TMCC1: variants seen among roughly 807,000 people sequenced by gnomAD.
The protein encoded by TMCC1 is transmembrane and coiled-coil domain family 1.
Under a neutral mutation model 52.4 loss-of-function variants are expected in TMCC1, and 15 were observed. That is an observed-to-expected ratio of 0.29 (90% CI 0.19 to 0.44). The LOEUF (loss-of-function observed/expected upper bound fraction) is 0.44. TMCC1 is among the 20% of genes least tolerant of loss of function. The pLI, the probability that TMCC1 is intolerant of heterozygous loss-of-function variation, is 1.00. For synonymous variants in TMCC1, 279 were observed against 301.9 expected, an observed-to-expected ratio of 0.92 and a Z score of 0.79; for missense variants, 503 against 806.0, an observed-to-expected ratio of 0.62 and a Z score of 4.55.
chr3:129,653,989 A>T (rs541058060), intron 6 of TMCC1, among the ~76,000 whole-genome samples: 17 of 152,312 alleles, frequency 1.1e-4, no homozygotes, highest in African/African-American at 4.1e-4. Flanking sequence ...ATTAGAAAAA[A>T]GCTTCCATTT....
At chr3:129,854,314 C>A (rs1045686183) in intron 2 of TMCC1, among the ~76,000 whole-genome samples, 2 of 151,464 alleles carry the variant, frequency 1.3e-5, no homozygotes, top group South Asian at 2.1e-4. Context: ...ATCGCTCAAA[C>A]CTGGGAGGCG....
intron 4 of TMCC1, among the ~76,000 whole-genome samples, chr3:129,805,804 G>A (rs1486069086): frequency 1.3e-5 from 2 of 151,724 alleles, no homozygotes. Context: ...GGGTGTGGTG[G>A]CACCCTGTAG....
At chr3:129,757,860 C>T (rs2053159349) in intron 4 of TMCC1, among the ~76,000 whole-genome samples, 2 of 151,466 alleles carry the variant, frequency 1.3e-5, no homozygotes, top group Non-Finnish European at 2.9e-5. Flanking sequence ...AAAAAGAAAT[C>T]ATAACACTCA....
intron 4 of TMCC1, among the ~76,000 whole-genome samples, chr3:129,766,633 TTTA>T (rs1281691744): frequency 3.3e-5 from 5 of 152,130 alleles, no homozygotes; most frequent in African/African-American, 7.2e-5. Flanking sequence ...TTTTTTGTTT[TTTA>T]TTGAGACAGG....
chr3:129,794,920 G>GA (rs765018586), intron 4 of TMCC1, among the ~76,000 whole-genome samples: 21 of 151,940 alleles, frequency 1.4e-4, no homozygotes, highest in Admixed American at 6.6e-4. Flanking sequence ...GAGGCAGTGT[G>GA]AAAAAAAAGG....
At chr3:129,778,674 T>TAG (rs66614369) in intron 4 of TMCC1, among the ~76,000 whole-genome samples, 1 of 138,740 alleles carries the variant, frequency 7.2e-6, no homozygotes, top group Non-Finnish European at 1.6e-5. Context: ...TAGATCATGG[T>TAG]GGGGGGGGGG....
At chr3:129,682,596 C>A (rs2089085770) in intron 4 of TMCC1, among the ~76,000 whole-genome samples, 1 of 152,168 alleles carries the variant, frequency 6.6e-6, no homozygotes, top group African/African-American at 2.4e-5. Flanking sequence ...TTCAGACTCT[C>A]TGCTACATAG....
rs556629099 is a variant in TMCC1, at chr3:129,882,403, T to C, written c.-434-1844A>G. 5.3e-5 allele frequency among the ~76,000 whole-genome samples: 8 copies of C among 150,278 alleles called. No individual in the cohort carries two copies. In the South Asian group the frequency reaches 1.7e-3, roughly 31 times the overall value. On this transcript the variant is annotated intron_variant, in intron 1 of 6. Transcript: ENST00000393238. ...GGATATGGAGAAAGTGGAACCCTTG[T>C]GCACTGCTGATAGGAATGTACGATG...
chr3:129,843,289 G>A (rs190326578), intron 2 of TMCC1, among the ~76,000 whole-genome samples: 5 of 152,066 alleles, frequency 3.3e-5, no homozygotes, highest in African/African-American at 4.8e-5. Context: ...GGAGCTTGCA[G>A]TGAGCCGAGA....
intron 5 of TMCC1, chr3:129,656,733 C>T (rs997148017): frequency 2.6e-5 from 4 of 152,108 alleles, no homozygotes; most frequent in African/African-American, 9.7e-5. Context: ...TTCTTTTATG[C>T]TGAAACTCTT....
At chr3:129,815,166 C>T (rs1010462142) in intron 4 of TMCC1, among the ~76,000 whole-genome samples, 4 of 151,652 alleles carry the variant, frequency 2.6e-5, no homozygotes, top group African/African-American at 9.7e-5. Flanking sequence ...CAAATCTCAA[C>T]GATTAAAAAA....
intron 4 of TMCC1, among the ~76,000 whole-genome samples, chr3:129,697,095 C>G (rs561210124): frequency 1.4e-3 from 216 of 152,354 alleles, no homozygotes; most frequent in African/African-American, 4.4e-3. Flanking sequence ...AGTGGGGACT[C>G]TGTGTGGGGG....
intron 4 of TMCC1, among the ~76,000 whole-genome samples, chr3:129,725,093 CTAAAGA>C (rs1484660038): frequency 2.0e-5 from 3 of 152,106 alleles, no homozygotes; most frequent in African/African-American, 7.2e-5. Context: ...ACCCAAAAAC[CTAAAGA>C]TAATCATACA....
chr3:129,688,241 C>A, intron 4 of TMCC1: 1 of 985,284 alleles, frequency 1.0e-6, no homozygotes, highest in Non-Finnish European at 1.2e-6. Flanking sequence ...CATTTGTGCA[C>A]TGCCAGAGAA....
rs747405076 is a variant in TMCC1 at position 129,820,374 on chromosome 3, AT to A, written c.576+7428del. 5.9e-5 allele frequency among the ~76,000 whole-genome samples: 9 copies of A among 151,308 alleles called. No homozygotes were observed. The East Asian group carries it at 1.4e-3, about 23-fold the overall frequency. Reference sequence around the variant, plus strand: ...GATCAAAAAATGTTAAATTAAAAAAATATATATATATATCCCAAGGACTAAG... The same window carrying A: ...GATCAAAAAATGTTAAATTAAAAAAAATATATATATATCCCAAGGACTAAG... On this transcript the variant is annotated intron_variant, in intron 4 of 6. Transcript: ENST00000393238.
intron 4 of TMCC1, among the ~76,000 whole-genome samples, chr3:129,724,519 T>C (rs962134250): frequency 2.0e-5 from 3 of 152,188 alleles, no homozygotes; most frequent in African/African-American, 7.2e-5. Context: ...AGGGAGAATA[T>C]TCTGGAAATA....
chr3:129,759,336 C>T (rs1339824800), intron 4 of TMCC1, among the ~76,000 whole-genome samples: 1 of 150,222 alleles, frequency 6.7e-6, no homozygotes, highest in Non-Finnish European at 1.5e-5. Flanking sequence ...GGCACAATCT[C>T]GGCTCACTGC....
intron 4 of TMCC1, among the ~76,000 whole-genome samples, chr3:129,702,737 T>C (rs2047929211): frequency 1.3e-5 from 2 of 152,066 alleles, no homozygotes; most frequent in African/African-American, 4.8e-5. Context: ...AAAAGAAAAA[T>C]GGCATTTGAT....
chr3:129,809,093 A>G (rs1017327954), intron 4 of TMCC1, among the ~76,000 whole-genome samples: 1 of 151,660 alleles, frequency 6.6e-6, no homozygotes, highest in African/African-American at 2.4e-5. Flanking sequence ...TAAAAATACA[A>G]AAAGTTAGCT....
Sources: gnomAD v4.1 joint callset for allele counts (sites outside exome capture counted in the v4.1 genomes callset) on GRCh38, gnomAD v4.1.1 for gene constraint, MANE v1.5 for transcripts, NCBI Gene and HGNC (gene_info 2026-07-23, HGNC 2026-07-21) for gene names.